The following ERMARD variants were observed in gnomAD, a reference collection of about 807,000 sequenced individuals.
ERMARD encodes the protein ER membrane associated RNA degradation, also known as endoplasmic reticulum membrane-associated RNA degradation protein.
ERMARD carries 71 observed loss-of-function variants against 83.9 expected under a neutral mutation model. That is an observed-to-expected ratio of 0.85 (90% CI 0.70 to 1.03). The LOEUF (loss-of-function observed/expected upper bound fraction) is 1.03. Ranked by LOEUF, ERMARD falls within the 50% of genes least tolerant of loss-of-function variation. The pLI, the probability that ERMARD is intolerant of heterozygous loss-of-function variation, is 0.00. For synonymous variants in ERMARD, 284 were observed against 298.6 expected, an observed-to-expected ratio of 0.95 and a Z score of 0.50; for missense variants, 838 against 810.9, an observed-to-expected ratio of 1.03 and a Z score of -0.41.
chr6:169,760,508 C>G (rs1301446731), intron 7 of ERMARD, 134 bp from the exon 8 acceptor site: 1 of 640,690 alleles, frequency 1.6e-6, no homozygotes, highest in African/African-American at 1.8e-5. Flanking sequence ...TACTCTCTAA[C>G]AAGTCCCCTG....
intron 7 of ERMARD, 55 bp from the exon 8 acceptor site, chr6:169,760,587 A>G (rs1791421755): frequency 1.3e-5 from 17 of 1,308,264 alleles, no homozygotes; most frequent in Non-Finnish European, 1.7e-5. Flanking sequence ...GCATGTTTCC[A>G]TCTTTTTTCA....
intron 16 of ERMARD, among the ~76,000 whole-genome samples, chr6:169,778,453 C>T (rs944280478): frequency 2.6e-5 from 4 of 152,166 alleles, no homozygotes; most frequent in Non-Finnish European, 4.4e-5. Context: ...ACTTGATTAA[C>T]AGCAGATTAA....
intron 14 of ERMARD, 143 bp from the exon 15 acceptor site, chr6:169,775,797 G>A: frequency 9.2e-7 from 1 of 1,086,598 alleles, no homozygotes; most frequent in Non-Finnish European, 1.3e-6. Context: ...GTATTGTCAT[G>A]GTGGCTTTTT....
At chr6:169,778,052 A>G (rs2128367846) in intron 16 of ERMARD, among the ~76,000 whole-genome samples, 1 of 152,286 alleles carries the variant, frequency 6.6e-6, no homozygotes, top group Non-Finnish European at 1.5e-5. Flanking sequence ...TCACACACCC[A>G]CACTCACTCT....
chr6:169,754,366 GT>G (rs1458016308), intron 2 of ERMARD, among the ~76,000 whole-genome samples: 1 of 152,150 alleles, frequency 6.6e-6, no homozygotes, highest in Non-Finnish European at 1.5e-5. Context: ...AAAATGACCA[GT>G]AATAGATTAT....
chr6:169,761,592 A>G (rs927562134), intron 8 of ERMARD, among the ~76,000 whole-genome samples: 2 of 152,240 alleles, frequency 1.3e-5, no homozygotes, highest in African/African-American at 4.8e-5. Context: ...GAAGCTACTA[A>G]AAATGGTTCA....
chr6:169,762,301 C>G (rs1372424637), intron 8 of ERMARD, 128 bp from the exon 9 acceptor site: 1 of 807,630 alleles, frequency 1.2e-6, no homozygotes, highest in Non-Finnish European at 2.0e-6. Context: ...TCTTGAACTC[C>G]TAGCCTCAAG....
rs1308690056 is a variant in ERMARD, at chr6:169,775,842, C to T, written c.1395-98C>T. 1.9e-5 allele frequency: 27 copies of T among 1,387,584 alleles called. No homozygotes were observed. In the South Asian group the frequency reaches 3.4e-4, roughly 17 times the overall value. 86.0% of individuals were successfully genotyped at this position (1,387,584 alleles called of 1,614,324 possible). ...ATTTGAGGAAAGTGAGATTCACAGTCAGGTCGCTGCTCAGTGAACCATTGA... is the reference window on the plus strand; with the variant it reads ...ATTTGAGGAAAGTGAGATTCACAGTTAGGTCGCTGCTCAGTGAACCATTGA... On this transcript the variant is annotated intron_variant, in intron 14 of 17. Transcript: ENST00000366773.
At position 169,753,874 on chromosome 6, in the gene ERMARD, G is replaced by T; in HGVS notation, c.17G>T (p.Gly6Val). The change falls in exon 2 of 18, where the codon GGG becomes GTG. Residue 6 changes from glycine to valine, a missense_variant. Coordinates refer to ENST00000366773, the MANE Select transcript of ERMARD (RefSeq NM_018341.3). The part of the protein sequence containing the change: MEVLI[G>V]DPITTCLSPS... ...TATTTTATTTTTTAGGTATTAATAG[G>T]GGACCCTATTACCACATGTCTTTCT... The T allele has an allele frequency of 6.4e-7, 1 of 1,574,796 alleles. No individual in the cohort carries two copies.
intron 5 of ERMARD, among the ~76,000 whole-genome samples, chr6:169,757,210 A>G (rs1165181578): frequency 6.6e-6 from 1 of 152,174 alleles, no homozygotes; most frequent in Admixed American, 6.5e-5. Flanking sequence ...GTGCAAAACA[A>G]CAATTCACAT....
rs1237705975 is a variant in ERMARD at position 169,773,328 on chromosome 6, G to T, written c.1243G>T (p.Ala415Ser). ...CLLSVFKEKS[A>S]VELLISLAEG... The stretch of plus-strand genomic sequence containing the variant: ...GTTTTCTCTGCACTAGGAAAAATCA[G>T]CCGTAGAATTGTTGATTAGTCTTGC... Residue 415 changes from alanine to serine, a missense_variant, in exon 13 of 18, where the codon GCC becomes TCC. Physicochemically the swap from Ala to Ser is moderately conservative, Grantham distance 99. Coordinates refer to ENST00000366773, the MANE Select transcript of ERMARD (RefSeq NM_018341.3). The T allele has an allele frequency of 6.2e-7, 1 of 1,613,956 alleles. No individual in the cohort carries two copies. The highest frequency in any genetic ancestry group is 8.5e-7 in the Non-Finnish European group (1 of 1,179,976).
chr6:169,774,363 T>G (rs1197698552), intron 13 of ERMARD, among the ~76,000 whole-genome samples: 1 of 152,130 alleles, frequency 6.6e-6, no homozygotes, highest in Admixed American at 6.5e-5. Context: ...CCGTTGGCGC[T>G]GTGGACCAGC....
rs1010292906 is a variant in ERMARD at position 169,769,617 on chromosome 6, A to T, written c.1137A>T (p.Leu379Phe). The change falls in exon 12 of 18, where the codon TTA (leucine) becomes TTT (phenylalanine). Residue 379 changes from leucine to phenylalanine, a missense_variant. Transcript: ENST00000366773. ...ATTTAAGCCACGGGGAGATCAACTTACATGAATTTTCAAAAGAAACAACTA... is the reference window on the plus strand; with the variant it reads ...ATTTAAGCCACGGGGAGATCAACTTTCATGAATTTTCAAAAGAAACAACTA... ...RDHLSHGEIN[L>F]HEFSKETTNQ... 1.2e-6 allele frequency: 2 copies of T among 1,613,452 alleles called. No individual in the cohort carries two copies. Among genetic ancestry groups the T allele is most frequent in the African/African-American group, 2.7e-5 (2 of 74,940 alleles).
At chr6:169,773,602 G>C (rs1222989439) in intron 13 of ERMARD, among the ~76,000 whole-genome samples, 200 bp downstream of exon 13, 2 of 152,198 alleles carry the variant, frequency 1.3e-5, no homozygotes, top group East Asian at 3.8e-4. Flanking sequence ...GTGTCTAGCA[G>C]TTGAAAGTAA....
rs1332031014 is a variant in ERMARD at position 169,769,701 on chromosome 6, A to G, written c.1221A>G (p.Leu407=). The change falls in exon 12 of 18, where the codon CTA becomes CTG. Residue 407 remains leucine, a synonymous_variant. Coordinates refer to ENST00000366773, the MANE Select transcript of ERMARD (RefSeq NM_018341.3). The stretch of plus-strand genomic sequence containing the variant: ...TCAGATTCGTTGATGACTGTCTGCT[A>G]TCAGTTTTTAAGGTAATTTATAGGG... The part of the protein sequence containing the change: ...LLLRFVDDCL[L]SVFKEKSAVE... 3.7e-6 allele frequency: 6 copies of G among 1,603,278 alleles called. No homozygotes were observed. In the East Asian group the frequency reaches 6.7e-5, roughly 18 times the overall value.
chr6:169,776,427 C>A, intron 15 of ERMARD, 28 bp from the exon 16 acceptor site: 2 of 1,605,062 alleles, frequency 1.2e-6, no homozygotes, highest in Non-Finnish European at 1.7e-6. Flanking sequence ...GATCATGATG[C>A]CTGCTCCAAG....
intron 13 of ERMARD, among the ~76,000 whole-genome samples, chr6:169,773,960 A>G (rs1384115195): frequency 6.6e-6 from 1 of 152,222 alleles, no homozygotes; most frequent in African/African-American, 2.4e-5. Context: ...GTGAAAATTT[A>G]TAAATGAGAT....
At position 169,760,828 on chromosome 6, in the gene ERMARD, C is replaced by G. The variant is rs6459661; in HGVS notation, c.857+72C>G. The G allele has an allele frequency of 5.7e-6, 6 of 1,049,220 alleles. No individual in the cohort carries two copies. The South Asian group carries it at 7.6e-5, about 13-fold the overall frequency. The allele number at this position is 1,049,220 out of a possible 1,614,324, so 65.0% of individuals were successfully genotyped here. ...ATTCTTTCTTGATGCCCTTCACTTT[C>G]GATGCTTTTTGCTGTTGGAGTAGAA... On this transcript the variant is annotated intron_variant, in intron 8 of 17. Coordinates refer to ENST00000366773, the MANE Select transcript of ERMARD (RefSeq NM_018341.3).
chr6:169,760,912 G>T (rs1003559168), intron 8 of ERMARD, among the ~76,000 whole-genome samples, 156 bp downstream of exon 8: 1 of 152,162 alleles, frequency 6.6e-6, no homozygotes, highest in South Asian at 2.1e-4. Flanking sequence ...TCATAGAGTC[G>T]CTTCAAGGAC....
Sources: gnomAD v4.1 joint callset for allele counts (sites outside exome capture counted in the v4.1 genomes callset) on GRCh38, gnomAD v4.1.1 for gene constraint, MANE v1.5 for transcripts, NCBI Gene and HGNC (gene_info 2026-07-23, HGNC 2026-07-21) for gene names.